The following ZNF142 variants were observed in gnomAD, a reference collection of about 807,000 sequenced individuals.
The protein encoded by ZNF142 is zinc finger protein 142 (clone pHZ-49).
A neutral mutation model predicts 132.1 loss-of-function variants in ZNF142; 96 were observed. The observed-to-expected ratio is 0.73, with a 90% CI of 0.62 to 0.86. ZNF142 has a LOEUF of 0.86. ZNF142 is among the 40% of genes least tolerant of loss of function. ZNF142 has a pLI of 0.00. For synonymous variants in ZNF142, 842 were observed against 890.1 expected, an observed-to-expected ratio of 0.95 and a Z score of 0.96; for missense variants, 2,163 against 2,336.2, an observed-to-expected ratio of 0.93 and a Z score of 1.53.
rs764285635 is a variant in ZNF142 at position 218,644,565 on chromosome 2, T to C, written c.2551A>G (p.Ser851Gly). The change falls in exon 9 of 11, where the codon AGC (serine) becomes GGC (glycine). Residue 851 changes from serine to glycine, a missense_variant. Coordinates refer to ENST00000411696, the MANE Select transcript of ZNF142 (RefSeq NM_001379659.1). The surrounding 1 kb of genome is among the most constrained non-coding windows in gnomAD (Gnocchi z 4.6). Reference sequence around the variant, plus strand: ...ATCTCTGGCAGGGCCTGGTCCAAGCTGGGGTCCACCACAGTCCCAGGTTCG... The same window carrying C: ...ATCTCTGGCAGGGCCTGGTCCAAGCCGGGGTCCACCACAGTCCCAGGTTCG... ...GHEPGTVVDP[S>G]LDQALPEMSE... 1.2e-6 allele frequency: 2 copies of C among 1,614,122 alleles called. No individual in the cohort carries two copies.
chr2:218,651,655 GT>G, intron 5 of ZNF142, 45 bp downstream of exon 5: 1 of 1,227,492 alleles, frequency 8.1e-7, no homozygotes. Flanking sequence ...AAGATCAACT[GT>G]GGCTGAACTC....
rs751900322 is a variant in ZNF142 at position 218,633,716 on chromosome 2, T to C, written c.*4623A>G. 5.1e-5 allele frequency: 83 copies of C among 1,613,802 alleles called. No homozygotes were observed. The highest frequency in any genetic ancestry group is 3.1e-4 in the South Asian group (28 of 91,080). On this transcript the variant is annotated 3_prime_UTR_variant, in exon 11 of 11. Transcript: ENST00000411696. ...GGAGCACTACCACTTCTACGAGATA[T>C]CATCTTTCTCTGAAACCAAGGCCAA... is the stretch of plus-strand genomic sequence containing the variant.
At position 218,644,497 on chromosome 2, in the gene ZNF142, AGCCTCACT is replaced by A; in HGVS notation, c.2611_2618del (p.Glu872ProfsTer4). The A allele has an allele frequency of 6.2e-7, 1 of 1,613,784 alleles. No individual in the cohort carries two copies. Among genetic ancestry groups the A allele is most frequent in the Admixed American group, 1.7e-5 (1 of 60,012 alleles). On this transcript the variant is annotated frameshift_variant, in exon 9 of 11. Transcript: ENST00000411696. LOFTEE classifies it high-confidence loss of function. The surrounding 1 kb of genome is among the most constrained non-coding windows in gnomAD (Gnocchi z 4.6). ...TGCCACCCAGGTCACCCCCATGGGG[AGCCTCACT>A]GCCCTCCTGTCTTCCAGTGTTGACC...
Position 218,643,539 on chromosome 2 carries a change from T to C in ZNF142, c.3577A>G (p.Thr1193Ala), listed in dbSNP as rs1418080769. ...PVPPAGNSSP[T>A]EAPKKHHLDP... ...AGGTGGTGCTTCTTAGGGGCCTCCG[T>C]GGGTGAGGAGTTTCCTGCAGGAGGG... The change falls in exon 9 of 11, where the codon ACG becomes GCG. Residue 1193 changes from threonine (T) to alanine (A), a missense_variant. By Grantham distance (58) the Thr-to-Ala change is moderately conservative. Transcript: ENST00000411696. 3 of 1,610,008 alleles carry C rather than the reference T, an allele frequency of 1.9e-6. No individual in the cohort carries two copies. Among genetic ancestry groups the C allele is most frequent in the Non-Finnish European group, 2.5e-6 (3 of 1,177,554 alleles).
In ZNF142 at chr2:218,646,154, CTA is replaced by C; in HGVS notation, c.2051+15_2051+16del. ...AGATTCTTGGGATTGGGACGGAGGC[CTA>C]TGTGTGTGTTGTACCTGAGGTCCCC... On this transcript the variant is annotated intron_variant, in intron 8 of 10. Transcript: ENST00000411696. 1.2e-6 allele frequency: 2 copies of C among 1,610,132 alleles called. No individual in the cohort carries two copies. The highest frequency in any genetic ancestry group is 1.7e-6 in the Non-Finnish European group (2 of 1,178,160).
At position 218,642,004 on chromosome 2, in the gene ZNF142, C is replaced by T; in HGVS notation, c.5088+24G>A. The T allele has an allele frequency of 1.2e-6, 2 of 1,602,532 alleles. No individual in the cohort carries two copies. Among genetic ancestry groups the T allele is most frequent in the Non-Finnish European group, 1.7e-6 (2 of 1,172,230 alleles). On this transcript the variant is annotated intron_variant, in intron 9 of 10. Transcript: ENST00000411696. This position sits in a 1 kb window ranked among gnomAD's most constrained non-coding sequence, Gnocchi z 4.6. The stretch of plus-strand genomic sequence containing the variant: ...CCAGAGCCTGTGCTCCTTCCACTTC[C>T]TGCCCCATATCCTCTGACATTACCT...
rs908283874 is a variant in ZNF142, at chr2:218,643,721, T to G, written c.3395A>C (p.Glu1132Ala). 2 of 1,604,688 alleles carry G rather than the reference T, an allele frequency of 1.2e-6. No individual in the cohort carries two copies. Among genetic ancestry groups the G allele is most frequent in the East Asian group, 2.2e-5 (1 of 44,806 alleles). Residue 1132 changes from glutamate (E) to alanine (A), a missense_variant, in exon 9 of 11, where the codon GAA (glutamate) becomes GCA (alanine). This residue lies in a region of ZNF142 where 809 missense variants were observed against 801.7 expected (regional missense o/e 1.01). Transcript: ENST00000411696. ...ATCTTTTGGAAGCAGTAGCTCTGCT[T>G]CTTGTGATGCAGGTGGGGGCTTCCC... ...ESGKPPPASQ[E>A]AELLLPKDAP... is the part of the protein sequence containing the mutation.
In ZNF142 at chr2:218,634,618, T is replaced by C. The variant is rs1249064332; in HGVS notation, c.*3721A>G. The C allele has an allele frequency of 2.5e-6, 4 of 1,613,736 alleles. No individual in the cohort carries two copies. Among genetic ancestry groups the C allele is most frequent in the Non-Finnish European group, 3.4e-6 (4 of 1,179,800 alleles). On this transcript the variant is annotated 3_prime_UTR_variant, in exon 11 of 11. Transcript: ENST00000411696. The surrounding 1 kb of genome is among the most constrained non-coding windows in gnomAD (Gnocchi z 4.0). ...CCATCAGCCCTTTCAAAGCCCAGAC[T>C]CTCTTAATCCAGGTACAGTGGAAAT... is the stretch of plus-strand genomic sequence containing the variant.
chr2:218,653,624 T>C (rs1457803326), intron 4 of ZNF142, among the ~76,000 whole-genome samples: 1 of 151,798 alleles, frequency 6.6e-6, no homozygotes, highest in Non-Finnish European at 1.5e-5. Flanking sequence ...TACATAAGTA[T>C]ACAAAGGAAG....
chr2:218,655,528 G>C (rs979217286), intron 4 of ZNF142, among the ~76,000 whole-genome samples: 2 of 152,080 alleles, frequency 1.3e-5, no homozygotes, highest in African/African-American at 4.8e-5. Flanking sequence ...GCCCAGGCTG[G>C]AGTGCAGTGG....
chr2:218,635,675 T>C lies in ZNF142; in HGVS notation c.*2664A>G. 1 of 1,341,410 alleles carries C rather than the reference T, an allele frequency of 7.5e-7. No individual in the cohort carries two copies. The highest frequency in any genetic ancestry group is 1.0e-6 in the Non-Finnish European group (1 of 1,000,150). 83.1% of individuals were successfully genotyped at this position (1,341,410 alleles called of 1,614,324 possible). ...TTGCAGATAGAATACTAGAAGAAAA[T>C]ATATTACCCATGGAGGATGTTTTAC... On this transcript the variant is annotated 3_prime_UTR_variant, in exon 11 of 11. Transcript: ENST00000411696.
chr2:218,641,369 C>T (rs1697176702), intron 9 of ZNF142, among the ~76,000 whole-genome samples: 1 of 151,470 alleles, frequency 6.6e-6, no homozygotes, highest in Admixed American at 6.6e-5. Context: ...GCCTCAGCCT[C>T]GAGTAGCTGG....
chr2:218,651,647 G>C (rs1355520442), intron 5 of ZNF142, 54 bp downstream of exon 5: 1 of 1,220,396 alleles, frequency 8.2e-7, no homozygotes, highest in East Asian at 5.7e-5. Flanking sequence ...TCTCCTATAA[G>C]ATCAACTGTG....
chr2:218,656,086 A>C, intron 4 of ZNF142, 64 bp downstream of exon 4: 1 of 1,440,946 alleles, frequency 6.9e-7, no homozygotes, highest in Admixed American at 2.5e-5. Flanking sequence ...ACAGAATCAA[A>C]AATAACCCAG....
chr2:218,640,461 G>C (rs1246432128), intron 10 of ZNF142, among the ~76,000 whole-genome samples: 1 of 152,198 alleles, frequency 6.6e-6, no homozygotes, highest in Non-Finnish European at 1.5e-5. Flanking sequence ...CATATGCCCA[G>C]GCTCTCAGGT....
In ZNF142 at chr2:218,643,427, G is replaced by A; in HGVS notation, c.3689C>T (p.Ser1230Phe). ...GAGCCGGGAACAAAGGAATGGGCAGGAGTTGCAGTGAAACTTGCCCTGCTC... is the reference window on the plus strand; with the variant it reads ...GAGCCGGGAACAAAGGAATGGGCAGAAGTTGCAGTGAAACTTGCCCTGCTC... Reference protein sequence around the residue: ...RFEQGKFHCNSCPFLCSRLSS... With the variant: ...RFEQGKFHCNFCPFLCSRLSS... Residue 1230 changes from serine to phenylalanine, a missense_variant, in exon 9 of 11, where the codon TCC becomes TTC. This residue lies in a region of ZNF142 where 809 missense variants were observed against 801.7 expected (regional missense o/e 1.01). Coordinates refer to ENST00000411696, the MANE Select transcript of ZNF142 (RefSeq NM_001379659.1). 6.2e-7 allele frequency: 1 copy of A among 1,614,240 alleles called. No individual in the cohort carries two copies. The highest frequency in any genetic ancestry group is 8.5e-7 in the Non-Finnish European group (1 of 1,180,038).
At position 218,635,602 on chromosome 2, in the gene ZNF142, G is replaced by A. The variant is rs1216550442; in HGVS notation, c.*2737C>T. On this transcript the variant is annotated 3_prime_UTR_variant, in exon 11 of 11. Transcript: ENST00000411696. ...CCCACCTCGGCCTCCTGAAGTGTTG[G>A]GATTACAGGTGTGAGCCACCGTGCC... Among the ~76,000 whole-genome samples, 1 of 152,132 alleles carries A rather than the reference G, an allele frequency of 6.6e-6. No individual in the cohort carries two copies. The highest frequency in any genetic ancestry group is 1.5e-5 in the Non-Finnish European group (1 of 68,030).
Position 218,633,474 on chromosome 2 carries a change from C to G in ZNF142, c.*4865G>C, listed in dbSNP as rs778044862. The G allele has an allele frequency of 2.8e-6, 3 of 1,086,780 alleles. No individual in the cohort carries two copies. The highest frequency in any genetic ancestry group is 2.5e-5 in the East Asian group (1 of 40,810). 67.3% of individuals were successfully genotyped at this position (1,086,780 alleles called of 1,614,324 possible). On this transcript the variant is annotated 3_prime_UTR_variant, in exon 11 of 11. Coordinates refer to ENST00000411696, the MANE Select transcript of ZNF142 (RefSeq NM_001379659.1). ...TCCAAGCCTGAGTCCCTTCTCTTGT[C>G]CCGGCAGGTGAGGCAGGAGGGAGAA...
In ZNF142 at chr2:218,638,518, T is replaced by C. The variant is rs372192856; in HGVS notation, c.5485A>G (p.Lys1829Glu). The change falls in exon 11 of 11, where the codon AAG (lysine) becomes GAG (glutamate). Residue 1829 changes from lysine to glutamate, a missense_variant. By Grantham distance (56) the Lys-to-Glu change is moderately conservative. Coordinates refer to ENST00000411696, the MANE Select transcript of ZNF142 (RefSeq NM_001379659.1). ...ACCACCTGGAACTTTTGCTTGGCCT[T>C]GTAGTTGCAGAGGCGGCAAAAGAAG... Reference protein sequence around the residue: ...HPFFCRLCNYKAKQKFQVVKH... With the variant: ...HPFFCRLCNYEAKQKFQVVKH... 2.5e-6 allele frequency: 4 copies of C among 1,608,820 alleles called. No individual in the cohort carries two copies. Among genetic ancestry groups the C allele is most frequent in the East Asian group, 2.2e-5 (1 of 44,782 alleles).
Sources: allele counts gnomAD v4.1 joint callset (sites outside exome capture counted in the v4.1 genomes callset), GRCh38; gene constraint gnomAD v4.1.1; regional missense constraint gnomAD v4.1.1; non-coding constraint Gnocchi (gnomAD v3.1); transcripts MANE v1.5; gene names NCBI Gene and HGNC (gene_info 2026-07-23, HGNC 2026-07-21).